The following USP4 variants were observed in gnomAD, a reference collection of about 807,000 sequenced individuals.
USP4 encodes ubiquitin specific peptidase 4, also known as ubiquitin carboxyl-terminal hydrolase 4.
USP4 carries 72 observed loss-of-function variants against 118.2 expected under a neutral mutation model. The observed-to-expected ratio is 0.61, with a 90% confidence interval of 0.50 to 0.74. The LOEUF is 0.74. Among genes scored for constraint, USP4 ranks in the 30% least tolerant of loss-of-function variants. USP4 has a pLI of 0.00. For synonymous variants in USP4, 415 were observed against 440.4 expected (o/e 0.94, Z 0.72); for missense variants, 1,037 against 1,185.7 (o/e 0.87, Z 1.84).
At chr3:49,283,008 CT>C (rs71077783) in intron 19 of USP4, among the ~76,000 whole-genome samples, 559 of 78,278 alleles carry the variant, frequency 7.1e-3, no homozygotes, top group African/African-American at 0.024. Context: ...GTGCCGGCCT[CT>C]TTTTTTTTTT....
At chr3:49,318,776 G>A (rs1421979313) in intron 6 of USP4, 1 of 211,950 alleles carries the variant, frequency 4.7e-6, no homozygotes, top group African/African-American at 2.4e-5. Context: ...CGGGCGTGGT[G>A]GCACGAACCC....
chr3:49,283,883 T>G, intron 19 of USP4, 104 bp downstream of exon 19: 1 of 1,409,848 alleles, frequency 7.1e-7, no homozygotes, highest in Non-Finnish European at 9.8e-7. Flanking sequence ...GCAACACACA[T>G]CCTTACTCAG....
chr3:49,297,446 T>C (rs1027423917), intron 13 of USP4, among the ~76,000 whole-genome samples: 1 of 152,176 alleles, frequency 6.6e-6, no homozygotes, highest in African/African-American at 2.4e-5. Flanking sequence ...TTGGGGATGG[T>C]AGTATCATGG....
At chr3:49,295,957 G>A (rs555310201) in intron 13 of USP4, among the ~76,000 whole-genome samples, 2 of 152,134 alleles carry the variant, frequency 1.3e-5, no homozygotes, top group East Asian at 1.9e-4. Context: ...CTATTTATTC[G>A]GTGGACAATG....
intron 2 of USP4, among the ~76,000 whole-genome samples, chr3:49,329,708 G>A (rs529216649): frequency 2.0e-5 from 3 of 152,214 alleles, no homozygotes; most frequent in African/African-American, 7.2e-5. Flanking sequence ...GTGGAATCAT[G>A]AATATTCTTA....
rs181137198 is a variant in USP4, at chr3:49,325,898, T to C, written c.361-53A>G. 186 of 1,602,692 alleles carry C rather than the reference T, an allele frequency of 1.2e-4. No homozygotes were observed. In the Middle Eastern group the frequency reaches 1.7e-3, roughly 14 times the overall value. The stretch of plus-strand genomic sequence containing the variant: ...ATAGCGGTTTTGCAGCTGGGCAGTC[T>C]TGGATGTAGCATATCTTATCAGAAG... On this transcript the variant is annotated intron_variant, in intron 3 of 21. Transcript: ENST00000265560.
intron 8 of USP4, 108 bp downstream of exon 8, chr3:49,310,512 A>G: frequency 1.1e-6 from 1 of 906,674 alleles, no homozygotes; most frequent in Non-Finnish European, 1.8e-6. Flanking sequence ...AGCACCAACA[A>G]GGGGTAGGCA....
chr3:49,298,615 C>T lies in USP4; in HGVS notation c.1533G>A (p.Leu511=). Residue 511 remains leucine (L), a synonymous_variant, in exon 12 of 22, where the codon CTG becomes CTA. Coordinates refer to ENST00000265560, the MANE Select transcript of USP4 (RefSeq NM_003363.4). The stretch of plus-strand genomic sequence containing the variant: ...CGCACAGGTCGGACACAGCCCCCAT[C>T]AGCGGCACAGTCACACGGTACTGCA... ...RPTQYRVTVP[L]MGAVSDLCEA... is the part of the protein sequence containing the mutation. 6.2e-7 allele frequency: 1 copy of T among 1,614,172 alleles called. No individual in the cohort carries two copies. The highest frequency in any genetic ancestry group is 8.5e-7 in the Non-Finnish European group (1 of 1,180,020).
intron 6 of USP4, among the ~76,000 whole-genome samples, chr3:49,321,622 T>C (rs1305665157): frequency 6.6e-6 from 1 of 152,026 alleles, no homozygotes; most frequent in Non-Finnish European, 1.5e-5. Context: ...CATGTGCCAC[T>C]GCACCGGGCT....
At chr3:49,330,087 C>G (rs143550441) in intron 2 of USP4, among the ~76,000 whole-genome samples, 1,598 of 152,004 alleles carry the variant, frequency 0.011, 28 homozygotes, top group African/African-American at 0.037. Context: ...AGGAGAATTG[C>G]TTGAACCTGG....
chr3:49,295,350 A>ATATTG (rs1332963637), intron 13 of USP4, among the ~76,000 whole-genome samples: 1 of 151,028 alleles, frequency 6.6e-6, no homozygotes, highest in Non-Finnish European at 1.5e-5. Context: ...ATAAGACCAA[A>ATATTG]TATTGTACAA....
intron 2 of USP4, among the ~76,000 whole-genome samples, chr3:49,333,969 C>T (rs1310857415): frequency 6.6e-6 from 1 of 151,868 alleles, no homozygotes; most frequent in African/African-American, 2.4e-5. Context: ...CCATGAGCCA[C>T]GATCATGCCA....
rs2047719129 is a variant in USP4, at chr3:49,339,856, G to A, written c.101+68C>T. 8 of 1,358,906 alleles carry A rather than the reference G, an allele frequency of 5.9e-6. No homozygotes were observed. The South Asian group carries it at 8.3e-5, about 14-fold the overall frequency. The allele number at this position is 1,358,906 out of a possible 1,614,324, so 84.2% of individuals were successfully genotyped here. ...TCCCCGCCCAGCCCCTACTCTAGCC[G>A]AGAAAAAGGAGGCCCCTTTTTCTCG... On this transcript the variant is annotated intron_variant, in intron 1 of 21. Transcript: ENST00000265560.
chr3:49,281,491 T>C (rs866038276), intron 19 of USP4, among the ~76,000 whole-genome samples: 22,131 of 126,142 alleles, frequency 0.18, 2,081 homozygotes, highest in African/African-American at 0.23. Context: ...TATATATATA[T>C]ACACACACAC....
intron 1 of USP4, among the ~76,000 whole-genome samples, chr3:49,337,997 G>A (rs1231413616): frequency 7.5e-6 from 1 of 133,468 alleles, no homozygotes; most frequent in Non-Finnish European, 1.5e-5. Context: ...AGTGAGCCGA[G>A]ATCGCGCCAC....
Position 49,298,598 on chromosome 3 carries a change from T to C in USP4, c.1550A>G (p.Asp517Gly). The C allele has an allele frequency of 1.2e-6, 2 of 1,614,064 alleles. No homozygotes were observed. Among genetic ancestry groups the C allele is most frequent in the Non-Finnish European group, 1.7e-6 (2 of 1,180,006 alleles). The change falls in exon 12 of 22, where the codon GAC becomes GGC. Residue 517 changes from aspartate to glycine, a missense_variant. Coordinates refer to ENST00000265560, the MANE Select transcript of USP4 (RefSeq NM_003363.4). ...CAGCCTGGAGAGAGCCTCGCACAGG[T>C]CGGACACAGCCCCCATCAGCGGCAC... ...VTVPLMGAVS[D>G]LCEALSRLSG... is the part of the protein sequence containing the mutation.
intron 2 of USP4, among the ~76,000 whole-genome samples, chr3:49,329,307 C>T (rs1240609902): frequency 6.6e-6 from 1 of 152,106 alleles, no homozygotes; most frequent in Non-Finnish European, 1.5e-5. Flanking sequence ...GTCTTGAGCC[C>T]GTTGAAGTCA....
chr3:49,284,182 G>A, intron 18 of USP4, 46 bp from the exon 19 acceptor site: 1 of 1,612,178 alleles, frequency 6.2e-7, no homozygotes, highest in Non-Finnish European at 8.5e-7. Flanking sequence ...GGCAGCCAGT[G>A]CCACCTGGGC....
chr3:49,322,017 C>CCCTGAGT (rs1230519213), intron 6 of USP4, among the ~76,000 whole-genome samples: 1 of 151,820 alleles, frequency 6.6e-6, no homozygotes, highest in Admixed American at 6.6e-5. Context: ...AAAACAAAAC[C>CCCTGAGT]CCTGAGTGTA....
Sources: allele counts gnomAD v4.1 joint callset (sites outside exome capture counted in the v4.1 genomes callset), GRCh38; gene constraint gnomAD v4.1.1; transcripts MANE v1.5; gene names NCBI Gene and HGNC (gene_info 2026-07-23, HGNC 2026-07-21).